FREM1: variants seen among roughly 807,000 people sequenced by gnomAD.
The protein encoded by FREM1 is FRAS1 related extracellular matrix 1.
In FREM1, 220 loss-of-function variants were observed where a neutral mutation model predicts 210.1. The ratio of observed to expected loss-of-function variants is 1.05; its 90% CI spans 0.94 to 1.17. The LOEUF is 1.17. FREM1 is among the 50% of genes most tolerant of loss of function. The pLI, the probability that FREM1 is intolerant of heterozygous loss-of-function variation, is 0.00. For missense variants in FREM1, 3,454 were observed against 2,675.5 expected, an observed-to-expected ratio of 1.29 and a Z score of -6.42; for synonymous variants, 1,189 against 980.2, an observed-to-expected ratio of 1.21 and a Z score of -3.98.
chr9:14,857,799 T>A (rs1290406688), intron 4 of FREM1, 50 bp from the exon 5 acceptor site: 4 of 1,394,896 alleles, frequency 2.9e-6, no homozygotes, highest in Non-Finnish European at 3.9e-6. Flanking sequence ...ATAACAATTG[T>A]AAAATTTAGA....
At chr9:14,761,345 C>T (rs991743150) in intron 27 of FREM1, among the ~76,000 whole-genome samples, 1 of 152,080 alleles carries the variant, frequency 6.6e-6, no homozygotes, top group South Asian at 2.1e-4. Context: ...TACAGGGGCT[C>T]ATGAATCTAT....
intron 10 of FREM1, among the ~76,000 whole-genome samples, chr9:14,839,349 G>C (rs191692796): frequency 6.6e-6 from 1 of 152,256 alleles, no homozygotes; most frequent in African/African-American, 2.4e-5. Flanking sequence ...GATGTATTTT[G>C]GTCATAAGTT....
In FREM1 at chr9:14,788,944, T is replaced by A. The variant is rs759344214; in HGVS notation, c.4152A>T (p.Gln1384His). 1 of 1,612,742 alleles carries A rather than the reference T, an allele frequency of 6.2e-7. No homozygotes were observed. The highest frequency in any genetic ancestry group is 8.5e-7 in the Non-Finnish European group (1 of 1,179,452). ...CTTTTTCCATGTCCTTGATGGTGATTTGACAGTCAAGAGCAGGGGACCTGT... is the reference window on the plus strand; with the variant it reads ...CTTTTTCCATGTCCTTGATGGTGATATGACAGTCAAGAGCAGGGGACCTGT... ...GNNRSPALDC[Q>H]ITIKDMEKGD... The change falls in exon 23 of 37, where the codon CAA becomes CAT. Residue 1384 changes from glutamine (Q) to histidine (H), a missense_variant. Coordinates refer to ENST00000380880, the MANE Select transcript of FREM1 (RefSeq NM_001379081.2).
At chr9:14,787,024 G>A (rs190088381) in intron 23 of FREM1, among the ~76,000 whole-genome samples, 7 of 152,256 alleles carry the variant, frequency 4.6e-5, no homozygotes, top group African/African-American at 1.4e-4. Context: ...TATAGACAAT[G>A]TCCTCCTAAA....
chr9:14,909,529 G>C (rs991809415), intron 1 of FREM1, among the ~76,000 whole-genome samples: 8 of 152,198 alleles, frequency 5.3e-5, no homozygotes, highest in Non-Finnish European at 1.5e-5. Flanking sequence ...TGTACCATGA[G>C]GATATTATCT....
At chr9:14,850,067 T>C (rs1827402848) in intron 6 of FREM1, among the ~76,000 whole-genome samples, 2 of 152,190 alleles carry the variant, frequency 1.3e-5, no homozygotes, top group South Asian at 4.1e-4. Context: ...GGACGATCAT[T>C]TTCCTTAATA....
chr9:14,883,919 G>T (rs899390668), intron 1 of FREM1, among the ~76,000 whole-genome samples: 10 of 152,184 alleles, frequency 6.6e-5, no homozygotes, highest in Non-Finnish European at 1.0e-4. Context: ...TTCCCCAAGG[G>T]AGCTTGTAAA....
chr9:14,795,942 G>A (rs1852290217), intron 21 of FREM1, among the ~76,000 whole-genome samples: 1 of 152,148 alleles, frequency 6.6e-6, no homozygotes, highest in South Asian at 2.1e-4. Context: ...CAAAAAGGAG[G>A]TACTGTAATA....
chr9:14,820,273 C>A (rs1821045083), intron 13 of FREM1, among the ~76,000 whole-genome samples: 1 of 152,184 alleles, frequency 6.6e-6, no homozygotes, highest in South Asian at 2.1e-4. Flanking sequence ...CTTTGTTTAA[C>A]CTATCATTAC....
intron 10 of FREM1, among the ~76,000 whole-genome samples, chr9:14,837,050 G>C (rs1170805811): frequency 6.6e-6 from 1 of 152,140 alleles, no homozygotes; most frequent in Non-Finnish European, 1.5e-5. Context: ...TTAGAAACTG[G>C]GTCCACCCAA....
intron 19 of FREM1, 26 bp from the exon 20 acceptor site, chr9:14,801,900 C>A: frequency 6.6e-7 from 1 of 1,517,128 alleles, no homozygotes; most frequent in South Asian, 1.2e-5. Context: ...TGAGAAAAGT[C>A]AACAATGCAT....
chr9:14,853,704 C>A (rs1828179644), intron 5 of FREM1, among the ~76,000 whole-genome samples: 2 of 152,192 alleles, frequency 1.3e-5, no homozygotes, highest in Admixed American at 6.5e-5. Context: ...GAGGAGAAGA[C>A]AATCAACCCC....
chr9:14,853,676 A>G (rs1828172294), intron 5 of FREM1, among the ~76,000 whole-genome samples: 1 of 152,162 alleles, frequency 6.6e-6, no homozygotes, highest in Non-Finnish European at 1.5e-5. Context: ...GAGAAAAGAG[A>G]ATTGCAAGAG....
intron 20 of FREM1, among the ~76,000 whole-genome samples, chr9:14,799,587 T>C (rs1045882140): frequency 5.1e-4 from 78 of 152,230 alleles, no homozygotes; most frequent in African/African-American, 1.8e-3. Flanking sequence ...CCAACAAATG[T>C]TATTTTTTAA....
intron 19 of FREM1, among the ~76,000 whole-genome samples, chr9:14,803,701 G>C (rs1281685727): frequency 6.6e-6 from 1 of 151,906 alleles, no homozygotes; most frequent in Non-Finnish European, 1.5e-5. Flanking sequence ...CTCTCTTACT[G>C]ACTTTGAAGG....
chr9:14,806,299 A>G (rs1818346821), intron 18 of FREM1, among the ~76,000 whole-genome samples: 1 of 139,990 alleles, frequency 7.1e-6, no homozygotes, highest in Admixed American at 7.9e-5. Flanking sequence ...CCTGCTGTCC[A>G]GATTGGAGTG....
intron 1 of FREM1, among the ~76,000 whole-genome samples, chr9:14,898,667 A>G (rs12236493): frequency 0.16 from 24,807 of 152,104 alleles, 2,917 homozygotes; most frequent in East Asian, 0.33. Flanking sequence ...GCTTGAACCC[A>G]AGAGGCGGAG....
At chr9:14,870,868 T>C (rs1182271967) in intron 1 of FREM1, among the ~76,000 whole-genome samples, 2 of 143,706 alleles carry the variant, frequency 1.4e-5, no homozygotes, top group Admixed American at 7.3e-5. Flanking sequence ...TGTGTTCTCA[T>C]TGTTCAATTC....
intron 14 of FREM1, among the ~76,000 whole-genome samples, chr9:14,818,977 C>G (rs146799220): frequency 6.6e-6 from 1 of 152,076 alleles, no homozygotes; most frequent in South Asian, 2.1e-4. Context: ...ATTTAATATT[C>G]ACGGCAATTA....
Sources: gnomAD v4.1 joint callset for allele counts (sites outside exome capture counted in the v4.1 genomes callset) on GRCh38, gnomAD v4.1.1 for gene constraint, MANE v1.5 for transcripts, NCBI Gene and HGNC (gene_info 2026-07-23, HGNC 2026-07-21) for gene names.